HSF2: variants seen among roughly 807,000 people sequenced by gnomAD.
HSF2 encodes the protein heat shock transcription factor 2, also known as heat shock factor protein 2.
A neutral mutation model predicts 65.0 loss-of-function variants in HSF2; 21 were observed. That is an observed-to-expected ratio of 0.32 (90% CI 0.23 to 0.47). The LOEUF (loss-of-function observed/expected upper bound fraction) is 0.47, where lower values mean the gene tolerates loss of function less well. Among genes scored for constraint, HSF2 ranks in the 20% least tolerant of loss-of-function variants. HSF2 has a pLI of 1.00. For synonymous variants in HSF2, 225 were observed against 219.1 expected, an observed-to-expected ratio of 1.03 and a Z score of -0.24; for missense variants, 499 against 628.1, an observed-to-expected ratio of 0.79 and a Z score of 2.20.
intron 6 of HSF2, among the ~76,000 whole-genome samples, chr6:122,419,645 T>C (rs554482): frequency 0.54 from 82,724 of 151,868 alleles, 22,782 homozygotes; most frequent in South Asian, 0.68. Flanking sequence ...AGCCATGGGT[T>C]GTGATACCTG....
chr6:122,425,311 T>G lies in HSF2; in HGVS notation c.1176+1625T>G, dbSNP rs1022840608. Among the ~76,000 whole-genome samples, 24 of 152,096 alleles carry G rather than the reference T, an allele frequency of 1.6e-4. 3 individuals carry two copies. The highest frequency in any genetic ancestry group is 1.4e-3 in the Admixed American group (22 of 15,236). Reference sequence around the variant, plus strand: ...CAAACTCTGCACTGCCTGTGTTGTCTTGGTTTTTTTCATTGTAAGTACGCT... The same window carrying G: ...CAAACTCTGCACTGCCTGTGTTGTCGTGGTTTTTTTCATTGTAAGTACGCT... On this transcript the variant is annotated intron_variant, in intron 10 of 12. Coordinates refer to ENST00000368455, the MANE Select transcript of HSF2 (RefSeq NM_004506.4).
chr6:122,419,280 T>G (rs73539080), intron 6 of HSF2, 51 bp downstream of exon 6: 6 of 868,408 alleles, frequency 6.9e-6, no homozygotes, highest in Non-Finnish European at 9.2e-6. Context: ...AGTCACACTT[T>G]TTAGTGTTTA....
chr6:122,412,109 T>C (rs900399355), intron 1 of HSF2, among the ~76,000 whole-genome samples: 7 of 151,978 alleles, frequency 4.6e-5, no homozygotes, highest in African/African-American at 1.4e-4. Flanking sequence ...ATGGAAGTTC[T>C]AATATTTCAC....
At position 122,429,528 on chromosome 6, in the gene HSF2, T is replaced by C. The variant is rs952621092; in HGVS notation, c.1230+1572T>C. Among the ~76,000 whole-genome samples the C allele has an allele frequency of 2.6e-4, 40 of 152,106 alleles. 1 individual carries two copies. Among genetic ancestry groups the C allele is most frequent in the African/African-American group, 9.2e-4 (38 of 41,434 alleles). ...TTACATAACATGGATTACAACACTT[T>C]CCTAATAAATCAGATGCCTTATACT... On this transcript the variant is annotated intron_variant, in intron 11 of 12. Coordinates refer to ENST00000368455, the MANE Select transcript of HSF2 (RefSeq NM_004506.4).
At chr6:122,411,577 T>C (rs1026267959) in intron 1 of HSF2, among the ~76,000 whole-genome samples, 22 of 151,966 alleles carry the variant, frequency 1.4e-4, no homozygotes, top group African/African-American at 5.3e-4. Flanking sequence ...TGTTTAGGTC[T>C]TTGATTGATT....
chr6:122,412,280 C>G lies in HSF2; in HGVS notation c.94-93C>G, dbSNP rs551586328. ...CTGAAGACATCAAGGAGGGACTGGACTACTCAAGACAGTTGTGGGATGTAT... is the reference window on the plus strand; with the variant it reads ...CTGAAGACATCAAGGAGGGACTGGAGTACTCAAGACAGTTGTGGGATGTAT... On this transcript the variant is annotated intron_variant, in intron 1 of 12. Coordinates refer to ENST00000368455, the MANE Select transcript of HSF2 (RefSeq NM_004506.4). 65 of 744,476 alleles carry G rather than the reference C, an allele frequency of 8.7e-5. No homozygotes were observed. In the Admixed American group the frequency reaches 1.3e-3, roughly 15 times the overall value. The allele number at this position is 744,476 out of a possible 1,614,324, so 46.1% of individuals were successfully genotyped here. A position where few individuals can be genotyped will look rare whatever the true frequency, so the allele number is the denominator to read the frequency against.
At chr6:122,419,426 G>C (rs1774189130) in intron 6 of HSF2, among the ~76,000 whole-genome samples, 197 bp downstream of exon 6, 1 of 152,040 alleles carries the variant, frequency 6.6e-6, no homozygotes, top group South Asian at 2.1e-4. Context: ...GTTTGTGAGA[G>C]ATAAGGGTAG....
At chr6:122,421,111 CT>C (rs905080554) in intron 7 of HSF2, among the ~76,000 whole-genome samples, 7 of 151,682 alleles carry the variant, frequency 4.6e-5, no homozygotes, top group African/African-American at 1.2e-4. Context: ...CTATTTTCAA[CT>C]TTTTTTTATT....
chr6:122,422,042 A>G, intron 7 of HSF2, 108 bp from the exon 8 acceptor site: 1 of 723,528 alleles, frequency 1.4e-6, no homozygotes, highest in Non-Finnish European at 2.3e-6. Context: ...TGTTTTGCAT[A>G]CCCCGAGATT....
upstream of HSF2, chr6:122,399,600 T>C (rs945337162): frequency 5.8e-5 from 37 of 636,562 alleles, no homozygotes; most frequent in Non-Finnish European, 9.6e-5. Context: ...GCCGCGCGCC[T>C]GGCGGGGTTG....
At chr6:122,411,223 T>C (rs1292096030) in intron 1 of HSF2, among the ~76,000 whole-genome samples, 1 of 151,890 alleles carries the variant, frequency 6.6e-6, no homozygotes, top group Admixed American at 6.6e-5. Flanking sequence ...TGACCATCTT[T>C]TTATTTGCTT....
Position 122,432,110 on chromosome 6 carries a change from G to T in HSF2, c.1501G>T (p.Val501Phe). 9.9e-6 allele frequency: 16 copies of T among 1,614,124 alleles called. No homozygotes were observed. The highest frequency in any genetic ancestry group is 1.4e-5 in the Non-Finnish European group (16 of 1,179,994). The change falls in exon 13 of 13, where the codon GTT becomes TTT. Residue 501 changes from valine to phenylalanine, a missense_variant. Around this residue, in one of 2 missense-constraint regions of HSF2, gnomAD observed 349 missense variants for 393.5 expected, o/e 0.89. Transcript: ENST00000368455. Reference sequence around the variant, plus strand: ...CCCAGAACCAACCCAAAGTAAGCTTGTTCGCCTGGAGCCATTGACTGAAGC... The same window carrying T: ...CCCAGAACCAACCCAAAGTAAGCTTTTTCGCCTGGAGCCATTGACTGAAGC... ...LDPEPTQSKL[V>F]RLEPLTEAEA...
In HSF2 at chr6:122,432,296, CT is replaced by C; in HGVS notation, c.*83del. The C allele has an allele frequency of 4.7e-6, 6 of 1,274,170 alleles. No individual in the cohort carries two copies. The highest frequency in any genetic ancestry group is 1.5e-5 in the African/African-American group (1 of 66,492). 78.9% of individuals were successfully genotyped at this position (1,274,170 alleles called of 1,614,324 possible). ...ATTTATTTTAAAGTATCATTTGGTA[CT>C]TTTTTTGTAAATTGCTTTGTTTTGT... On this transcript the variant is annotated 3_prime_UTR_variant, in exon 13 of 13. Coordinates refer to ENST00000368455, the MANE Select transcript of HSF2 (RefSeq NM_004506.4).
intron 10 of HSF2, among the ~76,000 whole-genome samples, chr6:122,427,370 G>A (rs1774360013): frequency 6.6e-6 from 1 of 152,022 alleles, no homozygotes; most frequent in African/African-American, 2.4e-5. Flanking sequence ...AGTGATCTTA[G>A]CACTTAAAAT....
intron 1 of HSF2, among the ~76,000 whole-genome samples, chr6:122,410,092 T>TAC (rs1773956754): frequency 6.6e-6 from 1 of 151,958 alleles, no homozygotes; most frequent in Admixed American, 6.6e-5. Flanking sequence ...AGGGTTAAAA[T>TAC]ACTCCTCCCC....
chr6:122,402,712 C>T (rs1773766441), intron 1 of HSF2, among the ~76,000 whole-genome samples: 1 of 152,054 alleles, frequency 6.6e-6, no homozygotes, highest in African/African-American at 2.4e-5. Flanking sequence ...ACCACCATGC[C>T]TGGCTAATTT....
intron 7 of HSF2, 150 bp downstream of exon 7, chr6:122,420,372 G>T: frequency 1.7e-6 from 1 of 576,604 alleles, no homozygotes; most frequent in Non-Finnish European, 2.9e-6. Context: ...TTTATTATTT[G>T]CTTTAGATTA....
chr6:122,423,077 T>C (rs576721873), intron 9 of HSF2, 120 bp downstream of exon 9: 2 of 1,110,314 alleles, frequency 1.8e-6, no homozygotes, highest in African/African-American at 3.1e-5. Flanking sequence ...CACCTTTCTC[T>C]GTTTTGGTCA....
intron 6 of HSF2, among the ~76,000 whole-genome samples, chr6:122,419,611 A>G (rs1313831694): frequency 6.6e-6 from 1 of 152,168 alleles, no homozygotes; most frequent in African/African-American, 2.4e-5. Flanking sequence ...TAAGCCACTC[A>G]TAGTCTTTTT....
Sources: gnomAD v4.1 joint callset for allele counts (sites outside exome capture counted in the v4.1 genomes callset) on GRCh38, gnomAD v4.1.1 for gene constraint, gnomAD v4.1.1 regional missense constraint, MANE v1.5 for transcripts, NCBI Gene and HGNC (gene_info 2026-07-23, HGNC 2026-07-21) for gene names.